The following COG5 variants were observed in gnomAD, a reference collection of about 807,000 sequenced individuals.
The protein encoded by COG5 is conserved oligomeric Golgi complex subunit 5.
COG5 carries 86 observed loss-of-function variants against 110.4 expected under a neutral mutation model. The observed-to-expected ratio is 0.78, with a 90% CI of 0.65 to 0.93. The LOEUF (loss-of-function observed/expected upper bound fraction) is 0.93. COG5 is among the 40% of genes least tolerant of loss of function. The pLI, the probability that COG5 is intolerant of heterozygous loss-of-function variation, is 0.00. For missense variants in COG5, 1,077 were observed against 987.0 expected (o/e 1.09, Z -1.22); for synonymous variants, 360 against 334.6 (o/e 1.08, Z -0.83).
intron 7 of COG5, among the ~76,000 whole-genome samples, chr7:107,400,617 T>C (rs867429774): frequency 5.9e-5 from 9 of 152,142 alleles, no homozygotes; most frequent in Non-Finnish European, 1.2e-4. Context: ...ATTGAAAAAT[T>C]ATTCACATGA....
intron 17 of COG5, among the ~76,000 whole-genome samples, chr7:107,244,055 T>C (rs1169427816): frequency 6.6e-6 from 1 of 152,048 alleles, no homozygotes; most frequent in Non-Finnish European, 1.5e-5. Context: ...GAGACCAGCC[T>C]GGCCAACATA....
intron 6 of COG5, among the ~76,000 whole-genome samples, chr7:107,417,266 T>C (rs1792916725): frequency 6.6e-6 from 1 of 152,230 alleles, no homozygotes; most frequent in Non-Finnish European, 1.5e-5. Flanking sequence ...AAATGTCTAC[T>C]ATATTCTTTT....
At chr7:107,400,231 T>C (rs997244121) in intron 7 of COG5, among the ~76,000 whole-genome samples, 1 of 152,232 alleles carries the variant, frequency 6.6e-6, no homozygotes, top group Non-Finnish European at 1.5e-5. Flanking sequence ...AGGAACAAAT[T>C]ATCAATGCAC....
intron 7 of COG5, among the ~76,000 whole-genome samples, chr7:107,393,152 T>G (rs1790744839): frequency 6.6e-6 from 1 of 152,200 alleles, no homozygotes; most frequent in Non-Finnish European, 1.5e-5. Flanking sequence ...TCTCACTGCA[T>G]AAGAAATATT....
At chr7:107,363,753 C>T (rs1034266998) in intron 8 of COG5, among the ~76,000 whole-genome samples, 5 of 151,994 alleles carry the variant, frequency 3.3e-5, no homozygotes, top group African/African-American at 7.2e-5. Flanking sequence ...AGTCAGGATT[C>T]GAGACCAGCT....
At chr7:107,322,668 C>A (rs567994933) in intron 11 of COG5, among the ~76,000 whole-genome samples, 1 of 152,104 alleles carries the variant, frequency 6.6e-6, no homozygotes, top group Admixed American at 6.5e-5. Context: ...TATAGCACTG[C>A]AGTTTCTGTA....
At chr7:107,434,507 C>T (rs1208425379) in intron 6 of COG5, among the ~76,000 whole-genome samples, 1 of 152,006 alleles carries the variant, frequency 6.6e-6, no homozygotes, top group Non-Finnish European at 1.5e-5. Flanking sequence ...ACGATGAGTG[C>T]ACCAAAATCT....
chr7:107,227,168 T>C (rs1584543179), intron 19 of COG5, among the ~76,000 whole-genome samples: 1 of 152,320 alleles, frequency 6.6e-6, no homozygotes, highest in Middle Eastern at 3.4e-3. Flanking sequence ...GAGTGGGTCA[T>C]TAAACTAATT....
chr7:107,355,393 T>G (rs1812533555), intron 10 of COG5, among the ~76,000 whole-genome samples: 1 of 152,076 alleles, frequency 6.6e-6, no homozygotes, highest in African/African-American at 2.4e-5. Flanking sequence ...AACAATACAG[T>G]CAGCAAGCGC....
At chr7:107,494,143 A>G (rs1396628984) in intron 6 of COG5, among the ~76,000 whole-genome samples, 2 of 152,234 alleles carry the variant, frequency 1.3e-5, no homozygotes, top group South Asian at 4.1e-4. Context: ...ATTTCAAACT[A>G]AAAATAATGC....
intron 11 of COG5, among the ~76,000 whole-genome samples, chr7:107,320,694 C>A (rs3801958): frequency 6.6e-6 from 1 of 151,972 alleles, no homozygotes; most frequent in African/African-American, 2.4e-5. Flanking sequence ...AGGATAAGTA[C>A]GGAAAGAGAG....
chr7:107,327,170 G>T (rs757404777), intron 10 of COG5, among the ~76,000 whole-genome samples: 62 of 152,044 alleles, frequency 4.1e-4, no homozygotes, highest in Non-Finnish European at 7.9e-4. Flanking sequence ...TCTTGAACAA[G>T]GGTGCCAAGG....
intron 8 of COG5, among the ~76,000 whole-genome samples, chr7:107,365,195 A>G (rs2129047374): frequency 6.6e-6 from 1 of 152,262 alleles, no homozygotes; most frequent in African/African-American, 2.4e-5. Context: ...TAGTCTCTTA[A>G]GTTTTATGTA....
intron 7 of COG5, among the ~76,000 whole-genome samples, chr7:107,393,054 A>G (rs1389881613): frequency 6.6e-6 from 1 of 152,224 alleles, no homozygotes; most frequent in African/African-American, 2.4e-5. Context: ...TGCCTCGCAT[A>G]CCAGACTCCC....
intron 10 of COG5, among the ~76,000 whole-genome samples, chr7:107,340,797 T>C (rs539909816): frequency 6.6e-6 from 1 of 152,164 alleles, no homozygotes; most frequent in African/African-American, 2.4e-5. Context: ...ATCATCTCAA[T>C]AGATGCAGAC....
At chr7:107,448,251 G>A (rs1405899162) in intron 6 of COG5, among the ~76,000 whole-genome samples, 2 of 152,118 alleles carry the variant, frequency 1.3e-5, no homozygotes, top group Non-Finnish European at 2.9e-5. Context: ...ATTGAAAGAG[G>A]CATATGAAAA....
intron 6 of COG5, among the ~76,000 whole-genome samples, chr7:107,468,627 A>G (rs1796445524): frequency 6.6e-6 from 1 of 152,086 alleles, no homozygotes; most frequent in Admixed American, 6.6e-5. Context: ...ATTACTCTCA[A>G]CTTCTATAGA....
rs116603307 is a variant in COG5, at chr7:107,372,695, A to T, written c.735T>A (p.Ile245=). The change falls in exon 8 of 22, where the codon ATT becomes ATA. Residue 245 remains isoleucine, a synonymous_variant. Coordinates refer to ENST00000297135, the MANE Select transcript of COG5 (RefSeq NM_006348.5). ...CACAATATCCATCCACAACACTGGT[A>T]ATAGTATCCTTCAAAGTTCCAAGAT... ...FYNLGTLKDT[I]TSVVDGYCAT... 1,020 of 1,613,500 alleles carry T rather than the reference A, an allele frequency of 6.3e-4. 7 individuals are homozygous for T. In the African/African-American group the frequency reaches 0.012, roughly 19 times the overall value.
intron 6 of COG5, among the ~76,000 whole-genome samples, chr7:107,508,001 C>T (rs1799157950): frequency 6.6e-6 from 1 of 152,220 alleles, no homozygotes; most frequent in Admixed American, 6.5e-5. Context: ...GTATCGCGTT[C>T]ATCTCACTAG....
Sources: gnomAD v4.1 joint callset for allele counts (sites outside exome capture counted in the v4.1 genomes callset) on GRCh38, gnomAD v4.1.1 for gene constraint, MANE v1.5 for transcripts, NCBI Gene and HGNC (gene_info 2026-07-23, HGNC 2026-07-21) for gene names.